RAB38: variants seen among roughly 807,000 people sequenced by gnomAD.
The protein encoded by RAB38 is RAB38, member RAS oncogene family, also known as ras-related protein Rab-38.
In RAB38, 15 loss-of-function variants were observed where a neutral mutation model predicts 18.4. The ratio of observed to expected loss-of-function variants is 0.82; its 90% CI spans 0.55 to 1.26. The LOEUF (loss-of-function observed/expected upper bound fraction) is 1.26, where lower values mean the gene tolerates loss of function less well. RAB38 is among the 50% of genes most tolerant of loss of function. RAB38 has a pLI of 0.00. For missense variants in RAB38, 294 were observed against 267.4 expected (o/e 1.10, Z -0.69); for synonymous variants, 101 against 104.4 (o/e 0.97, Z 0.20).
chr11:87,841,106 T>C, the RAB38 span, among the ~76,000 whole-genome samples: 3 of 150,192 alleles, frequency 2.0e-5, no homozygotes, highest in Non-Finnish European at 4.4e-5. Flanking sequence ...AATGAGTTAA[T>C]ATTAAGTATT....
chr11:87,929,563 GTT>G, the RAB38 span, among the ~76,000 whole-genome samples: 22 of 144,978 alleles, frequency 1.5e-4, no homozygotes, highest in Admixed American at 1.1e-3. Context: ...CTTTTTTTTG[GTT>G]TTTTTTTTTA....
chr11:88,063,809 C>T, the RAB38 span, among the ~76,000 whole-genome samples: 1 of 152,188 alleles, frequency 6.6e-6, no homozygotes, highest in East Asian at 1.9e-4. Flanking sequence ...TTGCCTTCTG[C>T]CATGAGTGTG....
chr11:88,161,002 G>A (rs1240006356), intron 1 of RAB38, among the ~76,000 whole-genome samples: 1 of 151,968 alleles, frequency 6.6e-6, no homozygotes, highest in Non-Finnish European at 1.5e-5. Flanking sequence ...TTAGAGAAAA[G>A]AAAAGAAAAC....
At chr11:88,031,312 C>T in the RAB38 span, among the ~76,000 whole-genome samples, 617 of 149,790 alleles carry the variant, frequency 4.1e-3, no homozygotes, top group African/African-American at 0.014. Context: ...CCTTTGAAAA[C>T]TGGCACAAGA....
At chr11:87,838,056 G>A in the RAB38 span, among the ~76,000 whole-genome samples, 10 of 151,954 alleles carry the variant, frequency 6.6e-5, no homozygotes, top group Admixed American at 2.6e-4. Context: ...CTTGTGATAC[G>A]TGTGCAGCAC....
At chr11:87,977,359 T>C in the RAB38 span, among the ~76,000 whole-genome samples, 2 of 114,948 alleles carry the variant, frequency 1.7e-5, no homozygotes, top group African/African-American at 7.0e-5. Flanking sequence ...ATTATATAAG[T>C]ATATTATAAA....
chr11:87,854,766 A>G, the RAB38 span, among the ~76,000 whole-genome samples: 1 of 152,148 alleles, frequency 6.6e-6, no homozygotes, highest in Non-Finnish European at 1.5e-5. Flanking sequence ...TATTCCGAAG[A>G]CATTTCATGC....
the RAB38 span, among the ~76,000 whole-genome samples, chr11:87,900,661 T>TAGGAAGGAAGGAAGGA: frequency 7.7e-3 from 1,009 of 131,280 alleles, 14 homozygotes; most frequent in African/African-American, 0.025. Flanking sequence ...GAAAGAAAGG[T>TAGGAAGGAAGGAAGGA]AGGAAGGAAG....
chr11:88,150,746 G>C (rs955522911), intron 1 of RAB38, among the ~76,000 whole-genome samples: 2 of 152,114 alleles, frequency 1.3e-5, no homozygotes. Flanking sequence ...ATTCAAACCT[G>C]AGCTGTTTGA....
the RAB38 span, among the ~76,000 whole-genome samples, chr11:87,852,624 A>G: frequency 6.6e-6 from 1 of 152,228 alleles, no homozygotes; most frequent in Non-Finnish European, 1.5e-5. Context: ...AAGTTTCAAC[A>G]TAACAATAAA....
At chr11:88,100,255 T>C in the RAB38 span, 1 of 151,866 alleles carries the variant, frequency 6.6e-6, no homozygotes, top group African/African-American at 2.4e-5. Context: ...CGAAAAAGAA[T>C]AGTACAATAC....
At chr11:87,917,858 C>T in the RAB38 span, 1 of 152,046 alleles carries the variant, frequency 6.6e-6, no homozygotes, top group Non-Finnish European at 1.5e-5. Flanking sequence ...GACTTAATCC[C>T]TATCTCAGGA....
chr11:87,892,896 T>G, the RAB38 span, among the ~76,000 whole-genome samples: 1 of 151,804 alleles, frequency 6.6e-6, no homozygotes, highest in African/African-American at 2.4e-5. Flanking sequence ...ATTATTAAAA[T>G]TATCATATTA....
At chr11:87,917,288 T>G in the RAB38 span, among the ~76,000 whole-genome samples, 1 of 151,900 alleles carries the variant, frequency 6.6e-6, no homozygotes, top group Non-Finnish European at 1.5e-5. Context: ...CGTAGAGAGA[T>G]GGTCATCAGG....
chr11:87,938,956 A>T, the RAB38 span, among the ~76,000 whole-genome samples: 526 of 152,196 alleles, frequency 3.5e-3, 2 homozygotes, highest in African/African-American at 0.012. Flanking sequence ...CCATGCTCCC[A>T]GAAACAGAAG....
chr11:87,957,614 T>C, the RAB38 span, among the ~76,000 whole-genome samples: 1 of 152,136 alleles, frequency 6.6e-6, no homozygotes, highest in Admixed American at 6.6e-5. Flanking sequence ...GTGGCATTCC[T>C]CTCTCAGCAT....
the RAB38 span, among the ~76,000 whole-genome samples, chr11:87,844,252 C>T: frequency 1.3e-5 from 2 of 152,086 alleles, no homozygotes; most frequent in South Asian, 2.1e-4. Flanking sequence ...CTGAAACATA[C>T]AAGGATAGTA....
chr11:88,099,728 AAG>A, the RAB38 span, among the ~76,000 whole-genome samples: 3 of 152,012 alleles, frequency 2.0e-5, no homozygotes, highest in Non-Finnish European at 2.9e-5. Flanking sequence ...CTCCTAGGAC[AAG>A]AGTGTTGGGT....
chr11:87,826,400 T>C, the RAB38 span, among the ~76,000 whole-genome samples: 1 of 152,178 alleles, frequency 6.6e-6, no homozygotes, highest in Non-Finnish European at 1.5e-5. Flanking sequence ...TGCACACACA[T>C]GCTGCACTTG....
Sources: allele counts gnomAD v4.1 joint callset (sites outside exome capture counted in the v4.1 genomes callset), GRCh38; gene constraint gnomAD v4.1.1; transcripts MANE v1.5; gene names NCBI Gene and HGNC (gene_info 2026-07-23, HGNC 2026-07-21).